Variants in CDH6 observed in about 807,000 individuals in gnomAD.
CDH6 encodes the protein cadherin 6, also known as cadherin-6.
A neutral mutation model predicts 78.0 loss-of-function variants in CDH6; 31 were observed. That is an observed-to-expected ratio of 0.40 (90% CI 0.30 to 0.54). The LOEUF (loss-of-function observed/expected upper bound fraction) is 0.54. Among genes scored for constraint, CDH6 ranks in the 20% least tolerant of loss-of-function variants. The pLI is 0.56. For missense variants in CDH6, 724 were observed against 975.9 expected, an observed-to-expected ratio of 0.74 and a Z score of 3.44; for synonymous variants, 376 against 368.8, an observed-to-expected ratio of 1.02 and a Z score of -0.23.
intron 2 of CDH6, among the ~76,000 whole-genome samples, chr5:31,276,182 T>A (rs903410762): frequency 2.0e-5 from 3 of 152,200 alleles, no homozygotes; most frequent in Non-Finnish European, 4.4e-5. Flanking sequence ...CCATCTAGAA[T>A]TGAAGATCAA....
intron 8 of CDH6, among the ~76,000 whole-genome samples, chr5:31,314,536 T>G (rs566023675): frequency 1.3e-5 from 2 of 152,086 alleles, no homozygotes; most frequent in South Asian, 4.2e-4. Context: ...GGTAGAATAG[T>G]AACCAATATG....
chr5:31,323,300 G>A lies in CDH6; in HGVS notation c.2365G>A (p.Asp789Asn), dbSNP rs751435139. The stretch of plus-strand genomic sequence containing the variant: ...GTATGGAGGAGTGGACAGTGACAAA[G>A]ACTCCTAATCTGTTGCCTTTTTCAT... ...DMYGGVDSDKDS is the reference protein window; with the variant it reads ...DMYGGVDSDKNS Residue 789 changes from aspartate (D) to asparagine (N), a missense_variant, in exon 12 of 12, where the codon GAC (aspartate) becomes AAC (asparagine). Physicochemically the swap from Asp to Asn is conservative, Grantham distance 23. Transcript: ENST00000265071. 1.9e-6 allele frequency: 3 copies of A among 1,607,422 alleles called. No homozygotes were observed. In the South Asian group the frequency reaches 3.3e-5, roughly 18 times the overall value.
intron 6 of CDH6, among the ~76,000 whole-genome samples, chr5:31,304,349 G>A (rs1408383237): frequency 6.6e-6 from 1 of 152,044 alleles, no homozygotes; most frequent in African/African-American, 2.4e-5. Context: ...GGTCCACGCT[G>A]GGGCCAAGAC....
At position 31,323,607 on chromosome 5, in the gene CDH6, G is replaced by A. The variant is rs1052399121; in HGVS notation, c.*299G>A. ...TTCTCAGGGCAGCGTGCCCGCTTCC[G>A]CTGTCCTGGTGTTTTACTACACTCC... On this transcript the variant is annotated 3_prime_UTR_variant, in exon 12 of 12. Transcript: ENST00000265071. 51 of 373,428 alleles carry A rather than the reference G, an allele frequency of 1.4e-4. No homozygotes were observed. The highest frequency in any genetic ancestry group is 9.5e-4 in the African/African-American group (48 of 50,306). 23.1% of individuals were successfully genotyped at this position (373,428 alleles called of 1,614,324 possible). A position where few individuals can be genotyped will look rare whatever the true frequency, so the allele number is the denominator to read the frequency against.
chr5:31,277,060 A>T (rs1319997834), intron 2 of CDH6, among the ~76,000 whole-genome samples: 1 of 152,238 alleles, frequency 6.6e-6, no homozygotes, highest in African/African-American at 2.4e-5. Context: ...GGGTCAGAAG[A>T]TGCTGCCAAA....
chr5:31,272,862 G>T (rs1044776750), intron 2 of CDH6, among the ~76,000 whole-genome samples: 4 of 152,122 alleles, frequency 2.6e-5, no homozygotes, highest in African/African-American at 9.7e-5. Context: ...GATGGAAGTT[G>T]GTGTTGGTTT....
chr5:31,324,797 A>G lies in CDH6; in HGVS notation c.*1489A>G, dbSNP rs1738582100. ...GAACTAATCCTTCTGGCAGATTCAA[A>G]TCGTTTATTTCACACGCTGTTCTAA... On this transcript the variant is annotated 3_prime_UTR_variant, in exon 12 of 12. Transcript: ENST00000265071. 4.9e-6 allele frequency: 1 copy of G among 205,952 alleles called. No individual in the cohort carries two copies. The highest frequency in any genetic ancestry group is 9.9e-6 in the Non-Finnish European group (1 of 100,844). 12.8% of individuals were successfully genotyped at this position (205,952 alleles called of 1,614,324 possible).
chr5:31,233,312 A>C (rs1021695890), intron 1 of CDH6, among the ~76,000 whole-genome samples: 1 of 150,018 alleles, frequency 6.7e-6, no homozygotes, highest in Non-Finnish European at 1.5e-5. Context: ...TACTTATCCA[A>C]CCTGGGCAAC....
chr5:31,210,081 T>TGTGC (rs1740652554), intron 1 of CDH6, among the ~76,000 whole-genome samples: 1 of 150,794 alleles, frequency 6.6e-6, no homozygotes, highest in South Asian at 2.1e-4. Flanking sequence ...TTAAATTGTG[T>TGTGC]GTGTGTGTGT....
intron 1 of CDH6, among the ~76,000 whole-genome samples, chr5:31,207,751 G>T (rs555743670): frequency 1.6e-3 from 239 of 152,274 alleles, no homozygotes; most frequent in Non-Finnish European, 2.8e-3. Context: ...TACATTTTTT[G>T]TGTTGGAGGT....
intron 2 of CDH6, 33 bp downstream of exon 2, chr5:31,267,734 G>A (rs1329218001): frequency 3.4e-5 from 51 of 1,495,186 alleles, no homozygotes; most frequent in African/African-American, 8.3e-5. Flanking sequence ...GACATTCTGG[G>A]TTTAAAGCCT....
chr5:31,209,716 G>A (rs989059450), intron 1 of CDH6, among the ~76,000 whole-genome samples: 1 of 152,100 alleles, frequency 6.6e-6, no homozygotes, highest in African/African-American at 2.4e-5. Flanking sequence ...TTACATAAGA[G>A]ACAGTCTACA....
chr5:31,227,218 C>A (rs753653685), intron 1 of CDH6, among the ~76,000 whole-genome samples: 4 of 152,138 alleles, frequency 2.6e-5, no homozygotes, highest in African/African-American at 9.7e-5. Flanking sequence ...AGGAAAGGAA[C>A]GTACGGCGGG....
chr5:31,285,133 T>C (rs1340869805), intron 2 of CDH6, among the ~76,000 whole-genome samples: 1 of 152,234 alleles, frequency 6.6e-6, no homozygotes, highest in Non-Finnish European at 1.5e-5. Flanking sequence ...CTTGCACATT[T>C]GAGTGCAGTG....
chr5:31,302,065 G>T, intron 5 of CDH6, 46 bp from the exon 6 acceptor site: 1 of 1,314,780 alleles, frequency 7.6e-7, no homozygotes, highest in South Asian at 1.4e-5. Context: ...GATGATAAGA[G>T]TGTGGTTAGT....
In CDH6 at chr5:31,258,032, C is replaced by A. The variant is rs1742103554; in HGVS notation, c.-128-9314C>A. Among the ~76,000 whole-genome samples the A allele has an allele frequency of 2.0e-5, 3 of 152,194 alleles. No individual in the cohort carries two copies. The South Asian group carries it at 6.2e-4, about 32-fold the overall frequency. ...GAAAGAGAGGATAAGAAAATGGTCC[C>A]CATCATGGAGTGTAAATTAGTTCAA... is the stretch of plus-strand genomic sequence containing the variant. On this transcript the variant is annotated intron_variant, in intron 1 of 11. Transcript: ENST00000265071.
chr5:31,205,181 C>T (rs1740481584), intron 1 of CDH6, among the ~76,000 whole-genome samples: 1 of 152,210 alleles, frequency 6.6e-6, no homozygotes, highest in South Asian at 2.1e-4. Flanking sequence ...AAATTCTTCT[C>T]ATGTAAGCTA....
rs770944665 is a variant in CDH6 at position 31,299,523 on chromosome 5, G to C, written c.703G>C (p.Val235Leu). 4.3e-6 allele frequency: 7 copies of C among 1,613,788 alleles called. No individual in the cohort carries two copies. The highest frequency in any genetic ancestry group is 5.9e-6 in the Non-Finnish European group (7 of 1,179,820). Residue 235 changes from valine to leucine, a missense_variant, in exon 5 of 12, where the codon GTG becomes CTG. Coordinates refer to ENST00000265071, the MANE Select transcript of CDH6 (RefSeq NM_004932.4). ...DRENREQYQV[V>L]IQAKDMGGQM... ...AGAAAACAGGGAGCAGTACCAAGTG[G>C]TGATTCAAGCCAAGGATATGGGCGG... is the stretch of plus-strand genomic sequence containing the variant.
chr5:31,252,557 A>T (rs1204463286), intron 1 of CDH6, among the ~76,000 whole-genome samples: 6 of 152,214 alleles, frequency 3.9e-5, no homozygotes, highest in Admixed American at 3.9e-4. Context: ...ATGTTCAGGG[A>T]AACTCGTGTG....
Sources: gnomAD v4.1 joint callset for allele counts (sites outside exome capture counted in the v4.1 genomes callset) on GRCh38, gnomAD v4.1.1 for gene constraint, MANE v1.5 for transcripts, NCBI Gene and HGNC (gene_info 2026-07-23, HGNC 2026-07-21) for gene names.